F11: variants seen among roughly 807,000 people sequenced by gnomAD.
The protein encoded by F11 is coagulation factor XI.
Under a neutral mutation model 76.5 loss-of-function variants are expected in F11, and 78 were observed. The observed-to-expected ratio is 1.02, with a 90% CI of 0.85 to 1.23. The LOEUF (loss-of-function observed/expected upper bound fraction) is 1.23, where lower values mean the gene tolerates loss of function less well. Ranked by LOEUF, F11 falls within the 50% of genes most tolerant of loss-of-function variation. The pLI is 0.00. For synonymous variants in F11, 278 were observed against 276.3 expected (o/e 1.01, Z -0.06); for missense variants, 742 against 771.4 (o/e 0.96, Z 0.45).
intron 10 of F11, among the ~76,000 whole-genome samples, chr4:186,281,725 T>C (rs1428943516): frequency 6.6e-6 from 1 of 152,230 alleles, no homozygotes; most frequent in Non-Finnish European, 1.5e-5. Flanking sequence ...CAATACACTA[T>C]AAGGTGCAAC....
At position 186,280,391 on chromosome 4, in the gene F11, C is replaced by A; in HGVS notation, c.1028+6C>A. ...GCATCCTGCAACGAAGGGAAGTAAG[C>A]CATATGAAGGGTTATGCAGACACCC... On this transcript the variant is annotated splice_donor_region_variant and intron_variant, in intron 9 of 14. Transcript: ENST00000403665. The A allele has an allele frequency of 1.2e-6, 2 of 1,614,164 alleles. No homozygotes were observed. The highest frequency in any genetic ancestry group is 1.7e-6 in the Non-Finnish European group (2 of 1,180,024).
intron 2 of F11, among the ~76,000 whole-genome samples, chr4:186,270,127 A>G (rs1244405000): frequency 6.6e-6 from 1 of 152,232 alleles, no homozygotes; most frequent in Non-Finnish European, 1.5e-5. Context: ...GTGATTGAGT[A>G]CCTAGAAAAA....
At chr4:186,274,713 A>G (rs964114615) in intron 5 of F11, 4 of 202,488 alleles carry the variant, frequency 2.0e-5, no homozygotes, top group African/African-American at 9.4e-5. Context: ...TCCATACTGG[A>G]TTTTGAAATA....
intron 10 of F11, chr4:186,282,772 A>G (rs1740894232): frequency 2.0e-6 from 2 of 985,376 alleles, no homozygotes; most frequent in East Asian, 2.3e-4. Context: ...GCCTCTGTTC[A>G]GGCTTCCGAA....
chr4:186,288,416 T>C (rs760761027), intron 14 of F11, 37 bp from the exon 15 acceptor site: 1 of 1,613,820 alleles, frequency 6.2e-7, no homozygotes, highest in Non-Finnish European at 8.5e-7. Flanking sequence ...GCGTCTGAGT[T>C]GATCTGTGCA....
chr4:186,278,263 C>T (rs1399963121), intron 7 of F11, among the ~76,000 whole-genome samples: 1 of 152,218 alleles, frequency 6.6e-6, no homozygotes, highest in African/African-American at 2.4e-5. Context: ...CTCCAGACAA[C>T]TCAGCCAAGG....
Position 186,274,286 on chromosome 4 carries a change from C to T in F11, c.485+11C>T, listed in dbSNP as rs746081597. The T allele has an allele frequency of 3.7e-6, 6 of 1,614,126 alleles. No individual in the cohort carries two copies. Among genetic ancestry groups the T allele is most frequent in the Non-Finnish European group, 5.1e-6 (6 of 1,180,024 alleles). On this transcript the variant is annotated intron_variant, in intron 5 of 14. Transcript: ENST00000403665. The stretch of plus-strand genomic sequence containing the variant: ...CAGCCTGGAGCATCGGTGAGTGAGT[C>T]CCAGGACATTCGAGTGGTCGATGAA...
chr4:186,278,613 T>C (rs1229949929), intron 7 of F11, among the ~76,000 whole-genome samples: 1 of 152,106 alleles, frequency 6.6e-6, no homozygotes, highest in Non-Finnish European at 1.5e-5. Flanking sequence ...GCACCAAGAC[T>C]TTTGGCCCAA....
In F11 at chr4:186,288,674, T is replaced by C. The variant is rs1475010154; in HGVS notation, c.*60T>C. On this transcript the variant is annotated 3_prime_UTR_variant, in exon 15 of 15. Coordinates refer to ENST00000403665, the MANE Select transcript of F11 (RefSeq NM_000128.4). ...ACCCAGGATTTGCTGGGAGAGGGTG[T>C]TGAGTTCACTGTGCCAGCATGCTTC... is the stretch of plus-strand genomic sequence containing the variant. 4.5e-6 allele frequency: 7 copies of C among 1,553,168 alleles called. No homozygotes were observed. Among genetic ancestry groups the C allele is most frequent in the African/African-American group, 4.1e-5 (3 of 73,700 alleles).
chr4:186,274,052 C>T, intron 4 of F11, 64 bp from the exon 5 acceptor site: 2 of 1,583,016 alleles, frequency 1.3e-6, no homozygotes, highest in Non-Finnish European at 1.7e-6. Flanking sequence ...TCAGGAGGGA[C>T]AGTTGCTTAG....
intron 2 of F11, among the ~76,000 whole-genome samples, chr4:186,269,114 C>G (rs1739723771): frequency 6.6e-6 from 1 of 152,056 alleles, no homozygotes; most frequent in Non-Finnish European, 1.5e-5. Context: ...AAATATTATC[C>G]AACTTAACCC....
At chr4:186,286,538 C>T (rs752152545) in intron 13 of F11, 28 bp downstream of exon 13, 5 of 1,611,896 alleles carry the variant, frequency 3.1e-6, no homozygotes, top group Non-Finnish European at 4.2e-6. Context: ...ATATGTGCTC[C>T]ATCCTAGAAA....
At chr4:186,280,170 G>A (rs774941297) in intron 8 of F11, 49 bp downstream of exon 8, 1 of 1,613,970 alleles carries the variant, frequency 6.2e-7, no homozygotes, top group Non-Finnish European at 8.5e-7. Context: ...GCCCCGAGGA[G>A]GCTGATACAT....
intron 5 of F11, among the ~76,000 whole-genome samples, chr4:186,275,508 C>A (rs998983897): frequency 6.2e-5 from 9 of 144,132 alleles, no homozygotes; most frequent in Non-Finnish European, 1.5e-5. Flanking sequence ...TAAAAAAAAA[C>A]AAAAAATGAG....
downstream of F11, among the ~76,000 whole-genome samples, chr4:186,290,518 G>A (rs148330745): frequency 2.4e-4 from 37 of 152,262 alleles, no homozygotes; most frequent in African/African-American, 8.4e-4. Flanking sequence ...ATGTAATTTC[G>A]GATAAGAAGA....
Position 186,280,304 on chromosome 4 carries a change from C to A in F11, c.947C>A (p.Ala316Asp), listed in dbSNP as rs909797441. The change falls in exon 9 of 15, where the codon GCC becomes GAC. Residue 316 changes from alanine (A) to aspartate (D), a missense_variant. By Grantham distance (126) the Ala-to-Asp change is moderately radical. Coordinates refer to ENST00000403665, the MANE Select transcript of F11 (RefSeq NM_000128.4). ...LDIVAAKSHE[A>D]CQKLCTNAVR... ...ATTGTTGCTGCAAAAAGTCACGAGG[C>A]CTGCCAGAAACTGTGCACCAATGCC... 20 of 1,614,040 alleles carry A rather than the reference C, an allele frequency of 1.2e-5. No homozygotes were observed. The highest frequency in any genetic ancestry group is 1.5e-5 in the Non-Finnish European group (18 of 1,180,046).
Position 186,288,984 on chromosome 4 carries a change from G to A in F11, c.*370G>A, listed in dbSNP as rs1741411445. 1 of 280,388 alleles carries A rather than the reference G, an allele frequency of 3.6e-6. No individual in the cohort carries two copies. Among genetic ancestry groups the A allele is most frequent in the Admixed American group, 4.8e-5 (1 of 20,718 alleles). The allele number at this position is 280,388 out of a possible 1,614,324, so 17.4% of individuals were successfully genotyped here. A position where few individuals can be genotyped will look rare whatever the true frequency, so the allele number is the denominator to read the frequency against. ...AAAAGAAGCCACCATAAATAGATTT[G>A]TTCGATGAAAGATGAAAACTGGAAG... On this transcript the variant is annotated 3_prime_UTR_variant, in exon 15 of 15. Coordinates refer to ENST00000403665, the MANE Select transcript of F11 (RefSeq NM_000128.4).
At chr4:186,274,320 T>C in intron 5 of F11, 45 bp downstream of exon 5, 2 of 1,613,410 alleles carry the variant, frequency 1.2e-6, no homozygotes, top group Non-Finnish European at 1.7e-6. Context: ...AAAAACAGAA[T>C]CGTGATTTAC....
intron 10 of F11, among the ~76,000 whole-genome samples, chr4:186,283,754 C>A (rs913969608): frequency 4.6e-5 from 7 of 152,188 alleles, no homozygotes; most frequent in Admixed American, 2.0e-4. Flanking sequence ...GCATTTCTAA[C>A]ACGTTCCCAG....
Sources: gnomAD v4.1 joint callset for allele counts (sites outside exome capture counted in the v4.1 genomes callset) on GRCh38, gnomAD v4.1.1 for gene constraint, MANE v1.5 for transcripts, NCBI Gene and HGNC (gene_info 2026-07-23, HGNC 2026-07-21) for gene names.